The following FGF12 variants were observed in gnomAD, a reference collection of about 807,000 sequenced individuals.
FGF12 encodes the protein fibroblast growth factor 12, also known as fibroblast growth factor 12B.
A neutral mutation model predicts 23.6 loss-of-function variants in FGF12; 14 were observed. The observed-to-expected ratio is 0.59, with a 90% CI of 0.39 to 0.93. FGF12 has a LOEUF of 0.93. FGF12 is among the 40% of genes least tolerant of loss of function. The pLI is 0.00. For missense variants in FGF12, 175 were observed against 217.8 expected, an observed-to-expected ratio of 0.80 and a Z score of 1.24; for synonymous variants, 62 against 77.3, an observed-to-expected ratio of 0.80 and a Z score of 1.04.
intron 5 of FGF12, among the ~76,000 whole-genome samples, chr3:192,148,861 T>G (rs997759700): frequency 1.3e-5 from 2 of 152,202 alleles, no homozygotes; most frequent in Non-Finnish European, 2.9e-5. Context: ...AGGACTGTGC[T>G]GCCTAGTATA....
intron 2 of FGF12, among the ~76,000 whole-genome samples, chr3:192,470,537 C>T (rs959611931): frequency 3.3e-5 from 5 of 151,812 alleles, no homozygotes; most frequent in Admixed American, 1.3e-4. Context: ...TAAAGTTGAC[C>T]GCCACCACAC....
chr3:192,508,750 A>G (rs1372897010), intron 2 of FGF12, among the ~76,000 whole-genome samples: 1 of 152,190 alleles, frequency 6.6e-6, no homozygotes, highest in Non-Finnish European at 1.5e-5. Context: ...TAAAATATAC[A>G]GAGATACTAC....
chr3:192,536,258 A>G (rs2108853800), intron 2 of FGF12, among the ~76,000 whole-genome samples: 1 of 152,304 alleles, frequency 6.6e-6, no homozygotes, highest in East Asian at 1.9e-4. Context: ...CAAAGGCTAT[A>G]TGGTCCATAA....
chr3:192,621,618 T>C (rs1714977526), intron 2 of FGF12, among the ~76,000 whole-genome samples: 2 of 149,656 alleles, frequency 1.3e-5, no homozygotes, highest in South Asian at 2.1e-4. Flanking sequence ...GATGAGAAAA[T>C]TGTGTCTTTT....
intron 2 of FGF12, among the ~76,000 whole-genome samples, chr3:192,362,832 GTA>G (rs1718795079): frequency 6.6e-6 from 1 of 152,164 alleles, no homozygotes; most frequent in Non-Finnish European, 1.5e-5. Context: ...TGAGAAAAGA[GTA>G]TGTCTCCAGC....
intron 2 of FGF12, among the ~76,000 whole-genome samples, chr3:192,662,749 C>T (rs1242410142): frequency 6.6e-6 from 1 of 152,206 alleles, no homozygotes; most frequent in Admixed American, 6.5e-5. Flanking sequence ...TTTCTACCAA[C>T]ATTTTCCCTT....
intron 4 of FGF12, among the ~76,000 whole-genome samples, chr3:192,281,041 C>T (rs1714111868): frequency 6.6e-6 from 1 of 152,162 alleles, no homozygotes; most frequent in African/African-American, 2.4e-5. Context: ...GTTTTCCTTA[C>T]ACTTTCTGCA....
At chr3:192,273,872 G>A (rs770412782) in intron 4 of FGF12, among the ~76,000 whole-genome samples, 4 of 150,726 alleles carry the variant, frequency 2.7e-5, no homozygotes, top group Non-Finnish European at 5.9e-5. Flanking sequence ...ACTGATTCAA[G>A]GATTTGAGTC....
chr3:192,194,036 G>T (rs1368419607), intron 4 of FGF12, among the ~76,000 whole-genome samples: 2 of 152,128 alleles, frequency 1.3e-5, no homozygotes, highest in East Asian at 3.8e-4. Flanking sequence ...AACTCATACA[G>T]CCCTGTATTT....
intron 4 of FGF12, among the ~76,000 whole-genome samples, chr3:192,273,392 C>T (rs2108630754): frequency 6.6e-6 from 1 of 152,192 alleles, no homozygotes; most frequent in African/African-American, 2.4e-5. Context: ...AAAATAAAGA[C>T]AAAAAGACCA....
intron 2 of FGF12, among the ~76,000 whole-genome samples, chr3:192,592,488 C>A (rs747531630): frequency 1.3e-5 from 2 of 151,776 alleles, no homozygotes; most frequent in African/African-American, 2.4e-5. Context: ...CCCCTCCTAT[C>A]GTTGTTTCTT....
chr3:192,404,116 T>C (rs532797064), intron 2 of FGF12, among the ~76,000 whole-genome samples: 31 of 152,264 alleles, frequency 2.0e-4, no homozygotes, highest in African/African-American at 7.0e-4. Context: ...TGTAAAAAAA[T>C]TCTGAAGATC....
chr3:192,296,111 G>A (rs1428597267), intron 4 of FGF12, among the ~76,000 whole-genome samples: 1 of 101,078 alleles, frequency 9.9e-6, no homozygotes, highest in Admixed American at 1.5e-4. Flanking sequence ...TCACCATGTT[G>A]CCCAGGCTGG....
chr3:192,684,187 C>T (rs1016484301), intron 2 of FGF12, among the ~76,000 whole-genome samples: 2 of 152,132 alleles, frequency 1.3e-5, no homozygotes, highest in Non-Finnish European at 1.5e-5. Context: ...CTGACACAGG[C>T]GATCTGCAGA....
intron 2 of FGF12, among the ~76,000 whole-genome samples, chr3:192,630,413 T>C (rs984858487): frequency 2.4e-4 from 36 of 152,240 alleles, no homozygotes; most frequent in African/African-American, 7.9e-4. Flanking sequence ...GCTTTCATTT[T>C]ATAGATACGG....
At chr3:192,491,290 A>G (rs1267188534) in intron 2 of FGF12, among the ~76,000 whole-genome samples, 1 of 152,168 alleles carries the variant, frequency 6.6e-6, no homozygotes, top group African/African-American at 2.4e-5. Context: ...CAAGGATCTC[A>G]TCTGTGCTAT....
intron 2 of FGF12, among the ~76,000 whole-genome samples, chr3:192,725,327 T>C (rs1360858866): frequency 2.0e-5 from 3 of 151,150 alleles, no homozygotes; most frequent in African/African-American, 7.3e-5. Flanking sequence ...CTCTGCAAAA[T>C]GACCACAATG....
At chr3:192,170,163 T>C (rs532405346) in intron 5 of FGF12, among the ~76,000 whole-genome samples, 1 of 146,180 alleles carries the variant, frequency 6.8e-6, no homozygotes, top group Admixed American at 6.9e-5. Context: ...TAGGAAAAGA[T>C]TCCCAGCTAC....
chr3:192,493,412 A>C (rs998232035), intron 2 of FGF12, among the ~76,000 whole-genome samples: 16 of 152,166 alleles, frequency 1.1e-4, no homozygotes, highest in Non-Finnish European at 1.9e-4. Flanking sequence ...CAATTTATGC[A>C]CTTATCCAAG....
Sources: gnomAD v4.1 joint callset for allele counts (sites outside exome capture counted in the v4.1 genomes callset) on GRCh38, gnomAD v4.1.1 for gene constraint, MANE v1.5 for transcripts, NCBI Gene and HGNC (gene_info 2026-07-23, HGNC 2026-07-21) for gene names.